Variants in CADM1 observed in about 807,000 individuals in gnomAD.
CADM1 encodes cell adhesion molecule 1.
In CADM1, 15 loss-of-function variants were observed where a neutral mutation model predicts 53.1. The observed-to-expected ratio is 0.28, with a 90% confidence interval of 0.19 to 0.44. The LOEUF is 0.44. Among genes scored for constraint, CADM1 ranks in the 20% least tolerant of loss-of-function variants. CADM1 has a pLI of 1.00. For missense variants in CADM1, 434 were observed against 611.3 expected (o/e 0.71, Z 3.06); for synonymous variants, 281 against 243.0 (o/e 1.16, Z -1.45).
chr11:115,422,780 C>G (rs1327727798), intron 1 of CADM1, among the ~76,000 whole-genome samples: 1 of 152,130 alleles, frequency 6.6e-6, no homozygotes, highest in African/African-American at 2.4e-5. Context: ...ACACATCAGT[C>G]CTTTCGATTT....
chr11:115,294,022 T>G (rs986976838), intron 1 of CADM1, among the ~76,000 whole-genome samples: 1 of 152,162 alleles, frequency 6.6e-6, no homozygotes, highest in Non-Finnish European at 1.5e-5. Context: ...GATATTGAGA[T>G]TCATGATGGC....
chr11:115,313,759 G>A (rs1017135891), intron 1 of CADM1, among the ~76,000 whole-genome samples: 17 of 152,124 alleles, frequency 1.1e-4, no homozygotes, highest in Non-Finnish European at 1.5e-5. Flanking sequence ...TAGTGCCTGA[G>A]GTTGCTCCTC....
intron 1 of CADM1, among the ~76,000 whole-genome samples, chr11:115,300,240 G>C (rs1944183841): frequency 6.6e-6 from 1 of 152,112 alleles, no homozygotes; most frequent in Non-Finnish European, 1.5e-5. Context: ...TTTTCAAGGG[G>C]CTCCTGCGTC....
At chr11:115,498,993 C>T (rs1041349612) in intron 1 of CADM1, among the ~76,000 whole-genome samples, 27 of 151,956 alleles carry the variant, frequency 1.8e-4, no homozygotes, top group Admixed American at 1.8e-3. Context: ...TGGTATTCTT[C>T]CCACTTTGTA....
At chr11:115,485,699 C>A (rs542321206) in intron 1 of CADM1, among the ~76,000 whole-genome samples, 1 of 152,318 alleles carries the variant, frequency 6.6e-6, no homozygotes, top group African/African-American at 2.4e-5. Context: ...GAGGCCTCCC[C>A]AGTCACATGG....
intron 1 of CADM1, among the ~76,000 whole-genome samples, chr11:115,449,604 T>C (rs1948527188): frequency 6.6e-6 from 1 of 152,218 alleles, no homozygotes; most frequent in African/African-American, 2.4e-5. Flanking sequence ...ATATGTAAGC[T>C]TCTTGTAATT....
chr11:115,311,006 A>G (rs1056556525), intron 1 of CADM1, among the ~76,000 whole-genome samples: 2 of 152,166 alleles, frequency 1.3e-5, no homozygotes, highest in African/African-American at 4.8e-5. Flanking sequence ...TGCTGGATAA[A>G]CAAACAAGTA....
chr11:115,304,835 G>A (rs1210314305), intron 1 of CADM1, among the ~76,000 whole-genome samples: 1 of 151,932 alleles, frequency 6.6e-6, no homozygotes, highest in Non-Finnish European at 1.5e-5. Context: ...TTGTCAGACA[G>A]TTTTTGTCCT....
intron 1 of CADM1, among the ~76,000 whole-genome samples, chr11:115,247,662 C>A (rs1942450089): frequency 6.6e-6 from 1 of 152,200 alleles, no homozygotes; most frequent in Non-Finnish European, 1.5e-5. Context: ...CAGGGTCTAA[C>A]TCAACAGCAA....
intron 1 of CADM1, among the ~76,000 whole-genome samples, chr11:115,244,126 A>G (rs1324313312): frequency 6.6e-6 from 1 of 152,248 alleles, no homozygotes; most frequent in Non-Finnish European, 1.5e-5. Context: ...TTCGCTTACA[A>G]TCAAGCTTCC....
At position 115,242,009 on chromosome 11, in the gene CADM1, T is replaced by C. The variant is rs111566923; in HGVS notation, c.125-1589A>G. 6.9e-3 allele frequency among the ~76,000 whole-genome samples: 1,002 copies of C among 145,086 alleles called. 12 individuals carry two copies. Among genetic ancestry groups the C allele is most frequent in the African/African-American group, 0.022 (877 of 39,070 alleles). ...CCTTTGCTAGGACACACTGGGAAAG[T>C]GTGAGAGGGGTGGCTAAGATGGCTC... On this transcript the variant is annotated intron_variant, in intron 1 of 11. Coordinates refer to ENST00000331581, the MANE Select transcript of CADM1 (RefSeq NM_001301043.2).
At chr11:115,237,936 ACT>A (rs894631637) in intron 3 of CADM1, among the ~76,000 whole-genome samples, 1 of 152,076 alleles carries the variant, frequency 6.6e-6, no homozygotes, top group African/African-American at 2.4e-5. Context: ...AGTGCTCTTA[ACT>A]CTTTTATGTC....
rs534062843 is a variant in CADM1, at chr11:115,226,974, G to A, written c.721+2139C>T. On this transcript the variant is annotated intron_variant, in intron 5 of 11. Transcript: ENST00000331581. Reference sequence around the variant, plus strand: ...TTACTTAAGATATCAAACCAGATGCGAAGTTCCATTCAGGTTAATATAATG... The same window carrying A: ...TTACTTAAGATATCAAACCAGATGCAAAGTTCCATTCAGGTTAATATAATG... Among the ~76,000 whole-genome samples the A allele has an allele frequency of 3.3e-5, 5 of 152,284 alleles. No individual in the cohort carries two copies. In the South Asian group the frequency reaches 6.2e-4, roughly 19 times the overall value.
chr11:115,307,689 T>A (rs544545939), intron 1 of CADM1, among the ~76,000 whole-genome samples: 4 of 151,964 alleles, frequency 2.6e-5, no homozygotes, highest in African/African-American at 9.6e-5. Context: ...GGTGAGACTT[T>A]AAAACTTTGA....
chr11:115,384,933 T>C (rs756558755), intron 1 of CADM1, among the ~76,000 whole-genome samples: 17 of 152,182 alleles, frequency 1.1e-4, no homozygotes, highest in Non-Finnish European at 2.2e-4. Flanking sequence ...TAGATTTCAT[T>C]TCATGTTTTG....
chr11:115,299,285 A>G (rs2135130914), intron 1 of CADM1, among the ~76,000 whole-genome samples: 1 of 152,164 alleles, frequency 6.6e-6, no homozygotes, highest in African/African-American at 2.4e-5. Context: ...ATTTATTTTT[A>G]TCTTTGACAG....
intron 5 of CADM1, among the ~76,000 whole-genome samples, chr11:115,224,391 T>G (rs1941522534): frequency 6.6e-6 from 1 of 152,112 alleles, no homozygotes; most frequent in African/African-American, 2.4e-5. Context: ...TTGAAAATGA[T>G]GCCCACGTAT....
At chr11:115,502,138 G>A (rs1949739985) in intron 1 of CADM1, among the ~76,000 whole-genome samples, 2 of 152,166 alleles carry the variant, frequency 1.3e-5, no homozygotes, top group South Asian at 4.2e-4. Flanking sequence ...ATCCCTCGCA[G>A]GGAAGGCAAC....
chr11:115,191,142 G>C (rs57876062), intron 9 of CADM1: 11,167 of 566,188 alleles, frequency 0.02, 538 homozygotes, highest in East Asian at 0.12. Flanking sequence ...GAGGCAGAAA[G>C]ATTCCTCAGT....
Sources: gnomAD v4.1 joint callset for allele counts (sites outside exome capture counted in the v4.1 genomes callset) on GRCh38, gnomAD v4.1.1 for gene constraint, MANE v1.5 for transcripts, NCBI Gene and HGNC (gene_info 2026-07-23, HGNC 2026-07-21) for gene names.